The following MCTP2 variants were observed in gnomAD, a reference collection of about 807,000 sequenced individuals.
MCTP2 encodes multiple C2 and transmembrane domain-containing protein 2.
MCTP2 carries 132 observed loss-of-function variants against 111.6 expected under a neutral mutation model. The ratio of observed to expected loss-of-function variants is 1.18; its 90% CI spans 1.03 to 1.37. The LOEUF is 1.37. Among genes scored for constraint, MCTP2 ranks in the 40% most tolerant of loss-of-function variants. MCTP2 has a pLI of 0.00. For synonymous variants in MCTP2, 395 were observed against 387.7 expected (o/e 1.02, Z -0.22); for missense variants, 1,183 against 1,067.9 (o/e 1.11, Z -1.50).
chr15:94,400,057 T>G, intron 16 of MCTP2, 62 bp downstream of exon 16: 2 of 1,389,428 alleles, frequency 1.4e-6, no homozygotes, highest in South Asian at 2.3e-5. Flanking sequence ...GCTGAAGTAT[T>G]AACACTTGCC....
chr15:94,269,890 A>G (rs1272851998), intron 1 of MCTP2, among the ~76,000 whole-genome samples: 1 of 152,204 alleles, frequency 6.6e-6, no homozygotes, highest in African/African-American at 2.4e-5. Context: ...GTTTGAAGTA[A>G]GGGAAGATAC....
At chr15:94,298,808 A>G (rs9806303) in intron 2 of MCTP2, 78 bp downstream of exon 2, 568,102 of 713,354 alleles carry the variant, frequency 0.8, 226,239 homozygotes, top group East Asian at 0.99. Context: ...CTCTCTCCCC[A>G]TCTCCCTCTC....
At chr15:94,466,890 G>T (rs539627859) in intron 20 of MCTP2, among the ~76,000 whole-genome samples, 1 of 152,118 alleles carries the variant, frequency 6.6e-6, no homozygotes, top group Admixed American at 6.5e-5. Context: ...GAATGATAAA[G>T]TCTATTCCTT....
At chr15:94,443,173 T>A (rs536119513) in intron 19 of MCTP2, among the ~76,000 whole-genome samples, 3 of 151,998 alleles carry the variant, frequency 2.0e-5, no homozygotes, top group African/African-American at 7.2e-5. Context: ...GAAGGAATAA[T>A]TGAAATGTTA....
At chr15:94,468,403 C>G (rs906083060) in intron 20 of MCTP2, among the ~76,000 whole-genome samples, 4 of 151,032 alleles carry the variant, frequency 2.6e-5, no homozygotes, top group Non-Finnish European at 5.9e-5. Context: ...GAACTTGAAC[C>G]CAAGTCAGTT....
At chr15:94,433,015 A>G (rs904638132) in intron 17 of MCTP2, among the ~76,000 whole-genome samples, 2 of 152,322 alleles carry the variant, frequency 1.3e-5, no homozygotes, top group Middle Eastern at 3.4e-3. Context: ...CCTGATAGAC[A>G]TGATAAATTT....
At position 94,390,725 on chromosome 15, in the gene MCTP2, C is replaced by CTT. The variant is rs777312969; in HGVS notation, c.1788+5221_1788+5222dup. Among the ~76,000 whole-genome samples, 361 of 112,918 alleles carry CTT rather than the reference C, an allele frequency of 3.2e-3. 6 individuals are homozygous for CTT. The highest frequency in any genetic ancestry group is 4.5e-3 in the African/African-American group (131 of 29,248). 74.1% of individuals were successfully genotyped at this position (112,918 alleles called of 152,430 possible). On this transcript the variant is annotated intron_variant, in intron 14 of 22. Transcript: ENST00000357742. ...GAAGACCTGCAATTTCTTTTCTTTT[C>CTT]TTTTTTTTTTTTTTTTTTTTTTGGG... is the stretch of plus-strand genomic sequence containing the variant.
intron 11 of MCTP2, among the ~76,000 whole-genome samples, chr15:94,369,010 GC>G (rs774758507): frequency 6.6e-6 from 1 of 152,176 alleles, no homozygotes; most frequent in Non-Finnish European, 1.5e-5. Flanking sequence ...ACAAGTTACA[GC>G]CCCCTGGATT....
chr15:94,352,406 T>G (rs1192182326), intron 8 of MCTP2, among the ~76,000 whole-genome samples: 1 of 152,034 alleles, frequency 6.6e-6, no homozygotes, highest in Non-Finnish European at 1.5e-5. Context: ...GAAAAATGGG[T>G]GGGGATTTGG....
chr15:94,369,738 C>G (rs1020378244), intron 11 of MCTP2, among the ~76,000 whole-genome samples: 3 of 152,112 alleles, frequency 2.0e-5, no homozygotes, highest in Non-Finnish European at 4.4e-5. Flanking sequence ...TTAACAGTTG[C>G]ATTAATGAGA....
intron 20 of MCTP2, 106 bp downstream of exon 20, chr15:94,458,352 A>C: frequency 1.4e-6 from 1 of 712,068 alleles, no homozygotes. Context: ...AAAATACAAA[A>C]ACACACCAAA....
rs571330663 is a variant in MCTP2 at position 94,418,215 on chromosome 15, C to T, written c.2085+16196C>T. 2.6e-5 allele frequency among the ~76,000 whole-genome samples: 4 copies of T among 152,206 alleles called. No individual in the cohort carries two copies. In the East Asian group the frequency reaches 5.8e-4, roughly 22 times the overall value. ...AGAACACTCTTAGAGAATGCTTTGT[C>T]CACTTACAGTCCAATTAGAATCCCA... On this transcript the variant is annotated intron_variant, in intron 17 of 22. Transcript: ENST00000357742.
chr15:94,314,084 C>G (rs2076270501), intron 2 of MCTP2, among the ~76,000 whole-genome samples, 198 bp from the exon 3 acceptor site: 1 of 152,206 alleles, frequency 6.6e-6, no homozygotes, highest in South Asian at 2.1e-4. Context: ...TATCCAGTGA[C>G]TTAGGCGGCA....
chr15:94,470,013 A>G (rs1226022323), intron 20 of MCTP2, among the ~76,000 whole-genome samples: 1 of 152,214 alleles, frequency 6.6e-6, no homozygotes, highest in Admixed American at 6.5e-5. Flanking sequence ...ATCTCCATGC[A>G]TAGCCATCGT....
chr15:94,243,339 G>T (rs1341058494), intron 1 of MCTP2, among the ~76,000 whole-genome samples: 1 of 136,614 alleles, frequency 7.3e-6, no homozygotes, highest in Non-Finnish European at 1.6e-5. Context: ...GCGTATATGC[G>T]TATGTACATA....
intron 14 of MCTP2, among the ~76,000 whole-genome samples, chr15:94,397,948 A>G (rs1039003255): frequency 1.3e-5 from 2 of 152,194 alleles, no homozygotes; most frequent in African/African-American, 4.8e-5. Context: ...AGTTACATAT[A>G]CTACTACTAT....
At chr15:94,475,466 C>G (rs552432520) in intron 21 of MCTP2, among the ~76,000 whole-genome samples, 1 of 152,264 alleles carries the variant, frequency 6.6e-6, no homozygotes, top group Non-Finnish European at 1.5e-5. Context: ...CAAAATAATA[C>G]TTAATGAACA....
At chr15:94,343,950 T>C (rs996074363) in intron 7 of MCTP2, 1 of 152,122 alleles carries the variant, frequency 6.6e-6, no homozygotes, top group African/African-American at 2.4e-5. Flanking sequence ...TTAAAAAATA[T>C]CAAATGCGTT....
At chr15:94,435,685 G>A (rs1354964073) in intron 17 of MCTP2, among the ~76,000 whole-genome samples, 2 of 126,906 alleles carry the variant, frequency 1.6e-5, no homozygotes, top group African/African-American at 5.7e-5. Flanking sequence ...AGGCTGGAGT[G>A]CAGTGGCGCG....
Sources: gnomAD v4.1 joint callset for allele counts (sites outside exome capture counted in the v4.1 genomes callset) on GRCh38, gnomAD v4.1.1 for gene constraint, MANE v1.5 for transcripts, NCBI Gene and HGNC (gene_info 2026-07-23, HGNC 2026-07-21) for gene names.